The following ULK4 variants were observed in gnomAD, a reference collection of about 807,000 sequenced individuals.
ULK4 encodes the protein inactive serine/threonine-protein kinase ULK4.
A neutral mutation model predicts 160.6 loss-of-function variants in ULK4; 133 were observed. That is an observed-to-expected ratio of 0.83 (90% CI 0.72 to 0.96). The LOEUF (loss-of-function observed/expected upper bound fraction) is 0.96, where lower values mean the gene tolerates loss of function less well. Ranked by LOEUF, ULK4 falls within the 40% of genes least tolerant of loss-of-function variation. ULK4 has a pLI of 0.00. For synonymous variants in ULK4, 534 were observed against 539.8 expected (o/e 0.99, Z 0.15); for missense variants, 1,580 against 1,499.5 (o/e 1.05, Z -0.89).
At chr3:41,619,160 G>C (rs181481821) in intron 30 of ULK4, among the ~76,000 whole-genome samples, 1 of 152,108 alleles carries the variant, frequency 6.6e-6, no homozygotes, top group East Asian at 1.9e-4. Flanking sequence ...AAGAGAAGCA[G>C]ACTCCCAATA....
intron 18 of ULK4, among the ~76,000 whole-genome samples, chr3:41,829,335 A>C (rs1214533663): frequency 4.8e-5 from 7 of 146,362 alleles, no homozygotes; most frequent in Non-Finnish European, 7.6e-5. Flanking sequence ...ACAGCAAAAG[A>C]AACTACCATC....
chr3:41,364,385 G>A (rs766769508), intron 35 of ULK4, among the ~76,000 whole-genome samples: 5 of 152,176 alleles, frequency 3.3e-5, no homozygotes, highest in Non-Finnish European at 7.3e-5. Flanking sequence ...CCCTCCACCA[G>A]GCCCTGTGCT....
chr3:41,585,704 A>G, intron 31 of ULK4, among the ~76,000 whole-genome samples: 1 of 152,200 alleles, frequency 6.6e-6, no homozygotes, highest in Non-Finnish European at 1.5e-5. Flanking sequence ...CATTCATCAA[A>G]CCAAACAATC....
chr3:41,893,590 A>G (rs1559633746), intron 16 of ULK4, among the ~76,000 whole-genome samples: 1 of 152,148 alleles, frequency 6.6e-6, no homozygotes, highest in African/African-American at 2.4e-5. Context: ...AAAAGCAGGC[A>G]CAAAGATTTA....
At chr3:41,389,880 G>A (rs2081913520) in intron 35 of ULK4, among the ~76,000 whole-genome samples, 1 of 152,108 alleles carries the variant, frequency 6.6e-6, no homozygotes, top group Admixed American at 6.6e-5. Context: ...GATGATGCTG[G>A]CCTCATAAAA....
intron 35 of ULK4, among the ~76,000 whole-genome samples, chr3:41,296,501 G>A (rs902327201): frequency 1.2e-4 from 18 of 152,174 alleles, no homozygotes; most frequent in African/African-American, 4.1e-4. Context: ...GATCTGTCCT[G>A]TCTGTAGAAC....
intron 34 of ULK4, among the ~76,000 whole-genome samples, chr3:41,441,382 G>T (rs898710557): frequency 6.6e-6 from 1 of 151,768 alleles, no homozygotes; most frequent in African/African-American, 2.4e-5. Flanking sequence ...TATTCTTTTC[G>T]ATTTTTAATT....
intron 35 of ULK4, among the ~76,000 whole-genome samples, chr3:41,383,895 G>C (rs2081734817): frequency 6.6e-6 from 1 of 152,090 alleles, no homozygotes; most frequent in African/African-American, 2.4e-5. Flanking sequence ...TAGTAGATTG[G>C]TCCTTTCCAC....
rs147743712 is a variant in ULK4, at chr3:41,782,374, G to A, written c.2193+7287C>T. ...ATGTCAGAAGACAAAGCATTATTTT[G>A]TAAGTGGCATGATTTCTGCGCTCAA... On this transcript the variant is annotated intron_variant, in intron 21 of 36. Transcript: ENST00000301831. Among the ~76,000 whole-genome samples the A allele has an allele frequency of 1.1e-3, 171 of 152,158 alleles. 1 individual carries two copies. The highest frequency in any genetic ancestry group is 4.0e-3 in the African/African-American group (167 of 41,528).
intron 34 of ULK4, among the ~76,000 whole-genome samples, chr3:41,409,131 T>G (rs906198103): frequency 3.9e-5 from 6 of 151,962 alleles, no homozygotes; most frequent in Admixed American, 3.9e-4. Context: ...GAGCACACAC[T>G]TATAGTCCCA....
At chr3:41,723,490 T>G (rs2037546189) in intron 22 of ULK4, among the ~76,000 whole-genome samples, 1 of 152,136 alleles carries the variant, frequency 6.6e-6, no homozygotes, top group Admixed American at 6.5e-5. Context: ...GAATCTAATT[T>G]CATTGTTTTT....
At chr3:41,322,398 A>C (rs2080263352) in intron 35 of ULK4, among the ~76,000 whole-genome samples, 1 of 152,138 alleles carries the variant, frequency 6.6e-6, no homozygotes, top group Non-Finnish European at 1.5e-5. Flanking sequence ...CCTCTGCCTT[A>C]TGCCCCTCAG....
At chr3:41,947,889 G>A (rs1446607137) in intron 2 of ULK4, among the ~76,000 whole-genome samples, 1 of 152,132 alleles carries the variant, frequency 6.6e-6, no homozygotes, top group Non-Finnish European at 1.5e-5. Context: ...CGCTTTTGGT[G>A]TTGAAGTGAG....
chr3:41,641,228 T>C (rs535260766), intron 30 of ULK4, among the ~76,000 whole-genome samples: 58 of 152,180 alleles, frequency 3.8e-4, no homozygotes, highest in Non-Finnish European at 7.1e-4. Context: ...CAGTGGAAGA[T>C]GGAACACGCA....
At chr3:41,828,181 C>G (rs1210887335) in intron 18 of ULK4, among the ~76,000 whole-genome samples, 1 of 144,476 alleles carries the variant, frequency 6.9e-6, no homozygotes, top group Non-Finnish European at 1.5e-5. Context: ...GACAAACCCA[C>G]AGCCAATATC....
intron 22 of ULK4, among the ~76,000 whole-genome samples, chr3:41,721,560 G>A (rs1319581840): frequency 6.6e-6 from 1 of 150,758 alleles, no homozygotes; most frequent in Non-Finnish European, 1.5e-5. Flanking sequence ...TGGAGACCGG[G>A]TTTCACCATC....
intron 25 of ULK4, among the ~76,000 whole-genome samples, chr3:41,712,500 G>C (rs1182691528): frequency 6.6e-6 from 1 of 152,178 alleles, no homozygotes; most frequent in African/African-American, 2.4e-5. Context: ...AAATATGAAA[G>C]GACAATATGC....
At chr3:41,928,280 T>C (rs962609612) in intron 5 of ULK4, among the ~76,000 whole-genome samples, 35 of 152,018 alleles carry the variant, frequency 2.3e-4, no homozygotes, top group Non-Finnish European at 4.6e-4. Flanking sequence ...AAGGCAGAAA[T>C]AAAGAAGTTC....
intron 32 of ULK4, among the ~76,000 whole-genome samples, chr3:41,535,127 G>A (rs1342645772): frequency 6.6e-6 from 1 of 152,130 alleles, no homozygotes; most frequent in Non-Finnish European, 1.5e-5. Context: ...TGTTTCATGA[G>A]GAGTACTGGT....
Sources: allele counts gnomAD v4.1 joint callset (sites outside exome capture counted in the v4.1 genomes callset), GRCh38; gene constraint gnomAD v4.1.1; transcripts MANE v1.5; gene names NCBI Gene and HGNC (gene_info 2026-07-23, HGNC 2026-07-21).